RIMS2: variants seen among roughly 807,000 people sequenced by gnomAD.
RIMS2 encodes regulating synaptic membrane exocytosis protein 2.
A neutral mutation model predicts 174.4 loss-of-function variants in RIMS2; 59 were observed. The observed-to-expected ratio is 0.34, with a 90% CI of 0.27 to 0.42. The LOEUF (loss-of-function observed/expected upper bound fraction) is 0.42, where lower values mean the gene tolerates loss of function less well. Among genes scored for constraint, RIMS2 ranks in the 10% least tolerant of loss-of-function variants. The pLI, the probability that RIMS2 is intolerant of heterozygous loss-of-function variation, is 1.00. For missense variants in RIMS2, 1,620 were observed against 1,666.3 expected (o/e 0.97, Z 0.48); for synonymous variants, 606 against 572.5 (o/e 1.06, Z -0.84).
intron 6 of RIMS2, among the ~76,000 whole-genome samples, chr8:103,912,891 GA>G (rs1468376107): frequency 2.0e-5 from 3 of 151,182 alleles, no homozygotes; most frequent in Admixed American, 2.0e-4. Context: ...GCCCAGGTGG[GA>G]AAATTGCTTT....
chr8:104,215,590 A>T (rs1587614209), intron 19 of RIMS2, among the ~76,000 whole-genome samples: 1 of 152,242 alleles, frequency 6.6e-6, no homozygotes, highest in African/African-American at 2.4e-5. Context: ...TGTTCATCTC[A>T]TAATGATATA....
rs150779997 is a variant in RIMS2 at position 103,612,022 on chromosome 8, A to C, written c.177-85064A>C. ...ATGTATTTTCAAATAGCTGTCTTCA[A>C]GGTCAGTCATTCTCTTTTCTGCCTG... On this transcript the variant is annotated intron_variant, in intron 1 of 23. Transcript: ENST00000504942. Among the ~76,000 whole-genome samples, 185 of 152,126 alleles carry C rather than the reference A, an allele frequency of 1.2e-3. 5 individuals carry two copies. The East Asian group carries it at 0.035, about 29-fold the overall frequency.
At chr8:103,938,319 G>T (rs1036305252) in intron 13 of RIMS2, among the ~76,000 whole-genome samples, 1 of 152,158 alleles carries the variant, frequency 6.6e-6, no homozygotes, top group African/African-American at 2.4e-5. Flanking sequence ...GCAAGGAGGA[G>T]CAAGTCACGT....
intron 3 of RIMS2, among the ~76,000 whole-genome samples, chr8:103,788,880 C>T (rs2098469189): frequency 6.6e-6 from 1 of 152,172 alleles, no homozygotes; most frequent in Non-Finnish European, 1.5e-5. Flanking sequence ...CTCGCCGCCG[C>T]CTTGCAGTTT....
chr8:104,250,644 A>G (rs1466156011), intron 22 of RIMS2, among the ~76,000 whole-genome samples: 1 of 152,136 alleles, frequency 6.6e-6, no homozygotes, highest in Non-Finnish European at 1.5e-5. Flanking sequence ...GATAATCACT[A>G]TTTGTGGGGA....
chr8:104,184,895 G>T (rs2098960056), intron 19 of RIMS2, among the ~76,000 whole-genome samples: 1 of 148,716 alleles, frequency 6.7e-6, no homozygotes, highest in Non-Finnish European at 1.5e-5. Context: ...ATCATGATAA[G>T]AAATTAGATT....
chr8:104,240,573 T>G (rs2099282577), intron 19 of RIMS2, among the ~76,000 whole-genome samples: 1 of 152,220 alleles, frequency 6.6e-6, no homozygotes, highest in Non-Finnish European at 1.5e-5. Flanking sequence ...TTTGATTATG[T>G]CAGATGATAG....
At chr8:103,805,963 G>A (rs998335910) in intron 3 of RIMS2, among the ~76,000 whole-genome samples, 2 of 152,030 alleles carry the variant, frequency 1.3e-5, no homozygotes, top group Non-Finnish European at 2.9e-5. Flanking sequence ...TGTGTGGGGA[G>A]TCAAAATTGT....
intron 15 of RIMS2, among the ~76,000 whole-genome samples, chr8:103,968,344 T>C (rs2092401447): frequency 6.6e-6 from 1 of 152,214 alleles, no homozygotes; most frequent in Non-Finnish European, 1.5e-5. Context: ...TGATTATTGA[T>C]ATAGTGGGAT....
chr8:103,794,917 T>C (rs1191333217), intron 3 of RIMS2, among the ~76,000 whole-genome samples: 1 of 152,110 alleles, frequency 6.6e-6, no homozygotes, highest in African/African-American at 2.4e-5. Flanking sequence ...ATGGCGATCA[T>C]TAAAAAGTCA....
chr8:103,588,133 A>C (rs2094061248), intron 1 of RIMS2, among the ~76,000 whole-genome samples: 1 of 151,866 alleles, frequency 6.6e-6, no homozygotes, highest in Non-Finnish European at 1.5e-5. Flanking sequence ...AAAAAGAAAA[A>C]AACAATTCTA....
chr8:103,534,906 C>G (rs1839082870), intron 1 of RIMS2, among the ~76,000 whole-genome samples: 1 of 152,142 alleles, frequency 6.6e-6, no homozygotes, highest in Non-Finnish European at 1.5e-5. Flanking sequence ...AAAAAGCTTG[C>G]CAACCCTTGA....
At chr8:103,774,929 C>G (rs1017893157) in intron 3 of RIMS2, among the ~76,000 whole-genome samples, 3 of 152,048 alleles carry the variant, frequency 2.0e-5, no homozygotes, top group Non-Finnish European at 4.4e-5. Context: ...GAATTATGTG[C>G]ATAATTGCTG....
intron 1 of RIMS2, among the ~76,000 whole-genome samples, chr8:103,561,521 AGTT>A (rs2091587477): frequency 6.6e-6 from 1 of 152,216 alleles, no homozygotes; most frequent in African/African-American, 2.4e-5. Flanking sequence ...AAACATTACC[AGTT>A]CTTACCCATC....
intron 17 of RIMS2, among the ~76,000 whole-genome samples, chr8:103,999,691 T>C (rs2095299854): frequency 6.6e-6 from 1 of 151,796 alleles, no homozygotes; most frequent in African/African-American, 2.4e-5. Context: ...TAAAGTCATA[T>C]CACATCACTT....
intron 19 of RIMS2, among the ~76,000 whole-genome samples, chr8:104,152,812 T>A (rs559618525): frequency 6.6e-6 from 1 of 152,250 alleles, no homozygotes; most frequent in South Asian, 2.1e-4. Flanking sequence ...GTATTCTCTT[T>A]ATTTTCCTGG....
intron 3 of RIMS2, among the ~76,000 whole-genome samples, chr8:103,822,425 T>C (rs1487703134): frequency 1.3e-5 from 2 of 151,842 alleles, no homozygotes; most frequent in Admixed American, 6.6e-5. Flanking sequence ...AATAATACTG[T>C]ATGTGTCATA....
intron 19 of RIMS2, 116 bp downstream of exon 25, chr8:104,148,964 G>T (rs1285835948): frequency 4.6e-6 from 5 of 1,083,138 alleles, no homozygotes; most frequent in Non-Finnish European, 6.6e-6. Flanking sequence ...GTTCCAGAGG[G>T]AAAGGGCATT....
Position 103,562,866 on chromosome 8 carries a change from T to C in RIMS2, c.176+61804T>C, listed in dbSNP as rs554750016. 7.5e-4 allele frequency among the ~76,000 whole-genome samples: 115 copies of C among 152,344 alleles called. 1 individual carries two copies. The highest frequency in any genetic ancestry group is 6.8e-3 in the Middle Eastern group (2 of 294). Reference sequence around the variant, plus strand: ...TTCCCAAACCTCAGCTCTTGATTTCTGTGCACCCGCAGGCTCAACACCATG... The same window carrying C: ...TTCCCAAACCTCAGCTCTTGATTTCCGTGCACCCGCAGGCTCAACACCATG... On this transcript the variant is annotated intron_variant, in intron 1 of 23. Coordinates refer to ENST00000504942, the Ensembl canonical transcript of RIMS2.
Sources: allele counts gnomAD v4.1 joint callset (sites outside exome capture counted in the v4.1 genomes callset), GRCh38; gene constraint gnomAD v4.1.1; transcripts MANE v1.5; gene names NCBI Gene and HGNC (gene_info 2026-07-23, HGNC 2026-07-21).